The following TMTC2 variants were observed in gnomAD, a reference collection of about 807,000 sequenced individuals.
TMTC2 encodes the protein protein O-mannosyl-transferase TMTC2.
In TMTC2, 43 loss-of-function variants were observed where a neutral mutation model predicts 82.4. That is an observed-to-expected ratio of 0.52 (90% confidence interval 0.41 to 0.67). The LOEUF (loss-of-function observed/expected upper bound fraction) is 0.67. Among genes scored for constraint, TMTC2 ranks in the 30% least tolerant of loss-of-function variants. TMTC2 has a pLI of 0.00. For missense variants in TMTC2, 919 were observed against 1,012.4 expected (o/e 0.91, Z 1.25); for synonymous variants, 408 against 381.9 (o/e 1.07, Z -0.80).
intron 4 of TMTC2, among the ~76,000 whole-genome samples, chr12:82,935,082 T>C (rs142736478): frequency 6.6e-6 from 1 of 152,284 alleles, no homozygotes; most frequent in East Asian, 1.9e-4. Context: ...AAGGTTTTAG[T>C]AACTGTTAGT....
intron 11 of TMTC2, among the ~76,000 whole-genome samples, chr12:83,092,663 G>T (rs140374180): frequency 2.0e-5 from 3 of 152,132 alleles, no homozygotes; most frequent in Non-Finnish European, 2.9e-5. Context: ...ATAATAGGTT[G>T]TTTTGCGTAG....
chr12:82,858,021 G>C (rs1317648369), intron 2 of TMTC2, among the ~76,000 whole-genome samples: 1 of 152,132 alleles, frequency 6.6e-6, no homozygotes, highest in Admixed American at 6.5e-5. Flanking sequence ...GTTGACTTTG[G>C]AAAACAATCC....
chr12:83,033,870 A>G (rs540104523), intron 9 of TMTC2, among the ~76,000 whole-genome samples: 2 of 120,066 alleles, frequency 1.7e-5, no homozygotes, highest in East Asian at 3.9e-4. Flanking sequence ...GTGTATGTGT[A>G]TATATATATA....
intron 4 of TMTC2, among the ~76,000 whole-genome samples, chr12:82,956,779 T>G (rs1877637878): frequency 6.6e-6 from 1 of 151,944 alleles, no homozygotes; most frequent in South Asian, 2.1e-4. Context: ...TAAATGAGCA[T>G]AAGTAAAAAA....
intron 1 of TMTC2, among the ~76,000 whole-genome samples, chr12:82,850,896 T>C (rs1254797642): frequency 1.3e-5 from 2 of 151,640 alleles, no homozygotes; most frequent in Non-Finnish European, 2.9e-5. Flanking sequence ...AAACCCCATC[T>C]CTACTAAAAA....
At chr12:82,769,253 A>G (rs894808187) in intron 1 of TMTC2, among the ~76,000 whole-genome samples, 1 of 151,834 alleles carries the variant, frequency 6.6e-6, no homozygotes, top group Non-Finnish European at 1.5e-5. Context: ...CGGGTGAAAC[A>G]CCTTAGGTCA....
rs61361946 is a variant in TMTC2 at position 82,899,485 on chromosome 12, T to C, written c.1483+2839T>C. On this transcript the variant is annotated intron_variant, in intron 3 of 11. Transcript: ENST00000321196. ...CACCATCACTGTTGGCATCATGGCC[T>C]GGGTGACCACCATCTTTTATCTGGA... Among the ~76,000 whole-genome samples the C allele has an allele frequency of 8.8e-3, 1,316 of 150,362 alleles. 23 individuals are homozygous for C. Among genetic ancestry groups the C allele is most frequent in the African/African-American group, 0.031 (1,248 of 40,876 alleles).
chr12:82,840,225 T>A (rs575359852), intron 1 of TMTC2, among the ~76,000 whole-genome samples: 1 of 152,190 alleles, frequency 6.6e-6, no homozygotes, highest in Non-Finnish European at 1.5e-5. Flanking sequence ...TAAACAACAT[T>A]TTTTAGATGA....
chr12:83,016,521 G>T (rs751712274), intron 8 of TMTC2, among the ~76,000 whole-genome samples: 2 of 152,178 alleles, frequency 1.3e-5, no homozygotes, highest in Non-Finnish European at 2.9e-5. Flanking sequence ...TACCTCTGGA[G>T]TTGGCATGAT....
chr12:82,770,359 A>G (rs1877222372), intron 1 of TMTC2, among the ~76,000 whole-genome samples: 1 of 152,182 alleles, frequency 6.6e-6, no homozygotes, highest in African/African-American at 2.4e-5. Context: ...CAGATTTTCA[A>G]ATATGTTTTA....
At chr12:82,898,011 A>G (rs1873770498) in intron 3 of TMTC2, among the ~76,000 whole-genome samples, 1 of 152,216 alleles carries the variant, frequency 6.6e-6, no homozygotes, top group South Asian at 2.1e-4. Context: ...CTACTTTGGC[A>G]TGCTTGTCTG....
intron 2 of TMTC2, among the ~76,000 whole-genome samples, chr12:82,878,703 AG>A (rs1425215244): frequency 6.6e-6 from 1 of 152,148 alleles, no homozygotes. Context: ...CTTGCTTTAG[AG>A]AATTATCATA....
rs191704571 is a variant in TMTC2, at chr12:82,982,926, C to T, written c.1949-2999C>T. 6.8e-4 allele frequency among the ~76,000 whole-genome samples: 103 copies of T among 152,096 alleles called. 3 individuals are homozygous for T. The Middle Eastern group carries it at 0.041, about 60-fold the overall frequency. ...CACACTGCTTCTCAATTTTTTCCAT[C>T]TTTAAAATCCAAATAGTGACATTCC... On this transcript the variant is annotated intron_variant, in intron 7 of 11. Coordinates refer to ENST00000321196, the MANE Select transcript of TMTC2 (RefSeq NM_152588.3).
chr12:82,743,218 G>T (rs1875508959), intron 1 of TMTC2, among the ~76,000 whole-genome samples: 1 of 152,086 alleles, frequency 6.6e-6, no homozygotes, highest in Non-Finnish European at 1.5e-5. Context: ...CGAGGTGGGT[G>T]GATCACGAGG....
At chr12:82,732,539 T>A (rs1874879246) in intron 1 of TMTC2, among the ~76,000 whole-genome samples, 1 of 152,136 alleles carries the variant, frequency 6.6e-6, no homozygotes, top group Non-Finnish European at 1.5e-5. Flanking sequence ...GAAATGGGGT[T>A]TCACCGTGTT....
intron 2 of TMTC2, 49 bp downstream of exon 2, chr12:82,857,629 G>A (rs1237220403): frequency 1.3e-6 from 2 of 1,496,892 alleles, no homozygotes; most frequent in Non-Finnish European, 1.8e-6. Flanking sequence ...TAATCTACTT[G>A]CTTACTCCTT....
intron 1 of TMTC2, among the ~76,000 whole-genome samples, chr12:82,777,178 T>C (rs961231542): frequency 6.6e-6 from 1 of 152,130 alleles, no homozygotes; most frequent in South Asian, 2.1e-4. Flanking sequence ...AGGATGACTT[T>C]ATCATTTATT....
At chr12:82,842,182 C>T (rs1285926430) in intron 1 of TMTC2, among the ~76,000 whole-genome samples, 1 of 152,192 alleles carries the variant, frequency 6.6e-6, no homozygotes, top group East Asian at 1.9e-4. Flanking sequence ...ATTAACTTAA[C>T]CCCTCCAACT....
Position 82,896,597 on chromosome 12 carries a change from G to A in TMTC2, c.1434G>A (p.Gln478=), listed in dbSNP as rs759569147. Residue 478 remains glutamine, a synonymous_variant, in exon 3 of 12, where the codon CAG becomes CAA. Transcript: ENST00000321196. Reference sequence around the variant, plus strand: ...CTGCGATCAGGAATGGAGACTGGCAGAATGAGGAAATGCTTTATAGATCAG... The same window carrying A: ...CTGCGATCAGGAATGGAGACTGGCAAAATGAGGAAATGCTTTATAGATCAG... ...LKTAIRNGDW[Q]NEEMLYRSGI... is the part of the protein sequence containing the mutation. The A allele has an allele frequency of 6.2e-7, 1 of 1,613,710 alleles. No individual in the cohort carries two copies. Among genetic ancestry groups the A allele is most frequent in the Non-Finnish European group, 8.5e-7 (1 of 1,179,922 alleles).
Sources: gnomAD v4.1 joint callset for allele counts (sites outside exome capture counted in the v4.1 genomes callset) on GRCh38, gnomAD v4.1.1 for gene constraint, MANE v1.5 for transcripts, NCBI Gene and HGNC (gene_info 2026-07-23, HGNC 2026-07-21) for gene names.